DSCAM: variants seen among roughly 807,000 people sequenced by gnomAD.
DSCAM encodes the protein cell adhesion molecule DSCAM.
A neutral mutation model predicts 217.7 loss-of-function variants in DSCAM; 47 were observed. That is an observed-to-expected ratio of 0.22 (90% CI 0.17 to 0.28). The LOEUF is 0.28. Ranked by LOEUF, DSCAM falls within the 10% of genes least tolerant of loss-of-function variation. The pLI, the probability that DSCAM is intolerant of heterozygous loss-of-function variation, is 1.00. For missense variants in DSCAM, 2,080 were observed against 2,618.3 expected (o/e 0.79, Z 4.49); for synonymous variants, 1,056 against 1,015.3 (o/e 1.04, Z -0.76).
rs1253798013 is a variant in DSCAM at position 40,296,143 on chromosome 21, G to T, written c.2094C>A (p.Asp698Glu). 6.2e-7 allele frequency: 1 copy of T among 1,614,086 alleles called. No homozygotes were observed. Among genetic ancestry groups the T allele is most frequent in the Non-Finnish European group, 8.5e-7 (1 of 1,179,992 alleles). The change falls in exon 10 of 33, where the codon GAC (aspartate) becomes GAA (glutamate). Residue 698 changes from aspartate to glutamate, a missense_variant. Physicochemically the swap from Asp to Glu is conservative, Grantham distance 45. Around this residue, in one of 5 missense-constraint regions of DSCAM, gnomAD observed 218 missense variants for 364.1 expected, o/e 0.60. Coordinates refer to ENST00000400454, the MANE Select transcript of DSCAM (RefSeq NM_001389.5). ...VPPKFVVQPRDQDGIYGKAVI... is the reference protein window; with the variant it reads ...VPPKFVVQPREQDGIYGKAVI... The stretch of plus-strand genomic sequence containing the variant: ...CTGCTTTGCCATAAATCCCGTCCTG[G>T]TCCCGTGGCTGAACCACAAACTTGG...
chr21:40,257,469 AACACACACACAC>A (rs141911963), intron 11 of DSCAM, among the ~76,000 whole-genome samples: 9 of 144,786 alleles, frequency 6.2e-5, no homozygotes, highest in African/African-American at 2.3e-4. Flanking sequence ...GTATTTGCTG[AACACACACACAC>A]ACACACACAC....
At chr21:40,459,511 T>C (rs1241201868) in intron 3 of DSCAM, among the ~76,000 whole-genome samples, 1 of 152,154 alleles carries the variant, frequency 6.6e-6, no homozygotes, top group Non-Finnish European at 1.5e-5. Flanking sequence ...CAAAGAAGCA[T>C]GCTTTCAGAT....
intron 3 of DSCAM, among the ~76,000 whole-genome samples, chr21:40,522,662 A>T (rs2076368239): frequency 6.6e-6 from 1 of 152,212 alleles, no homozygotes; most frequent in South Asian, 2.1e-4. Flanking sequence ...ATCAGCTGAT[A>T]GGTGTGATCG....
At chr21:40,533,520 T>A (rs1178546120) in intron 3 of DSCAM, among the ~76,000 whole-genome samples, 3 of 150,314 alleles carry the variant, frequency 2.0e-5, no homozygotes, top group Admixed American at 1.3e-4. Flanking sequence ...CATCCATCCA[T>A]CCATCTGTCC....
intron 19 of DSCAM, among the ~76,000 whole-genome samples, chr21:40,125,974 A>AG (rs151015428): frequency 2.6e-5 from 4 of 152,362 alleles, no homozygotes; most frequent in Non-Finnish European, 4.4e-5. Flanking sequence ...TAGGAGGCCA[A>AG]GTAGTTTAGC....
intron 3 of DSCAM, among the ~76,000 whole-genome samples, chr21:40,681,960 C>T (rs770160754): frequency 1.3e-5 from 2 of 152,146 alleles, no homozygotes; most frequent in Non-Finnish European, 2.9e-5. Flanking sequence ...AGACCCTCCC[C>T]GCAGCCCTCT....
intron 3 of DSCAM, among the ~76,000 whole-genome samples, chr21:40,659,632 T>TTATC (rs998774408): frequency 1.2e-4 from 19 of 152,128 alleles, no homozygotes; most frequent in Non-Finnish European, 2.2e-4. Context: ...TATCTACCAA[T>TTATC]TATCTATCTA....
At chr21:40,845,539 T>TTTTA (rs2092136908) in intron 1 of DSCAM, among the ~76,000 whole-genome samples, 3 of 86,102 alleles carry the variant, frequency 3.5e-5, no homozygotes, top group Admixed American at 1.2e-4. Context: ...TCTCTTCTTC[T>TTTTA]CCTCTCTCTC....
At chr21:40,731,536 T>C (rs994566862) in intron 1 of DSCAM, among the ~76,000 whole-genome samples, 8 of 152,162 alleles carry the variant, frequency 5.3e-5, no homozygotes, top group South Asian at 2.1e-4. Context: ...AAGTTCAAGT[T>C]TGCAGTATCC....
chr21:40,640,693 C>T (rs1238897657), intron 3 of DSCAM, among the ~76,000 whole-genome samples: 2 of 152,148 alleles, frequency 1.3e-5, no homozygotes, highest in Non-Finnish European at 2.9e-5. Flanking sequence ...GAGGTTGTCA[C>T]AGACACATGC....
intron 1 of DSCAM, among the ~76,000 whole-genome samples, chr21:40,834,388 C>G (rs2092038495): frequency 6.7e-6 from 1 of 148,766 alleles, no homozygotes; most frequent in African/African-American, 2.5e-5. Flanking sequence ...GCCTGGGCGA[C>G]AGAGTGAGAC....
At chr21:40,762,208 C>A (rs972741034) in intron 1 of DSCAM, among the ~76,000 whole-genome samples, 1 of 151,668 alleles carries the variant, frequency 6.6e-6, no homozygotes, top group African/African-American at 2.4e-5. Flanking sequence ...ATAGATAGAC[C>A]ACTAGATAGA....
chr21:40,341,543 TCAAG>T (rs2074491522), intron 6 of DSCAM, among the ~76,000 whole-genome samples: 2 of 152,312 alleles, frequency 1.3e-5, no homozygotes, highest in African/African-American at 4.8e-5. Flanking sequence ...ACAAAAACGA[TCAAG>T]ATATAAAACA....
chr21:40,685,927 T>C (rs1221012256), intron 3 of DSCAM, among the ~76,000 whole-genome samples: 3 of 151,940 alleles, frequency 2.0e-5, no homozygotes, highest in African/African-American at 4.8e-5. Context: ...GGGAGGAAAC[T>C]GAGGCAAACA....
chr21:40,673,389 C>G (rs2090299463), intron 3 of DSCAM, among the ~76,000 whole-genome samples: 1 of 152,170 alleles, frequency 6.6e-6, no homozygotes, highest in Non-Finnish European at 1.5e-5. Context: ...TATTCAAGAC[C>G]TATAAATGTT....
intron 10 of DSCAM, among the ~76,000 whole-genome samples, chr21:40,276,978 A>T (rs192577454): frequency 1.3e-5 from 2 of 152,142 alleles, no homozygotes; most frequent in African/African-American, 4.8e-5. Flanking sequence ...TGGGTAAAAA[A>T]AAAAAGGATT....
chr21:40,169,366 C>CA (rs1490076014), intron 15 of DSCAM, among the ~76,000 whole-genome samples: 5 of 152,072 alleles, frequency 3.3e-5, no homozygotes, highest in Non-Finnish European at 7.4e-5. Context: ...TGGAACAAAA[C>CA]AAAGTCTTGG....
intron 3 of DSCAM, among the ~76,000 whole-genome samples, chr21:40,591,239 T>G (rs963802701): frequency 6.6e-6 from 1 of 152,204 alleles, no homozygotes; most frequent in Non-Finnish European, 1.5e-5. Flanking sequence ...TGAAGAACTG[T>G]GAGTCAATTA....
chr21:40,235,508 C>G (rs765755147), intron 11 of DSCAM, among the ~76,000 whole-genome samples: 45 of 152,066 alleles, frequency 3.0e-4, no homozygotes, highest in Non-Finnish European at 4.7e-4. Context: ...TCACCCTGTC[C>G]CCCTTCAGCA....
Sources: allele counts gnomAD v4.1 joint callset (sites outside exome capture counted in the v4.1 genomes callset), GRCh38; gene constraint gnomAD v4.1.1; regional missense constraint gnomAD v4.1.1; transcripts MANE v1.5; gene names NCBI Gene and HGNC (gene_info 2026-07-23, HGNC 2026-07-21).